PPP4R3B: variants seen among roughly 807,000 people sequenced by gnomAD.
PPP4R3B encodes the protein serine/threonine-protein phosphatase 4 regulatory subunit 3B.
In PPP4R3B, 52 loss-of-function variants were observed where a neutral mutation model predicts 95.4. The ratio of observed to expected loss-of-function variants is 0.54; its 90% CI spans 0.44 to 0.69. The LOEUF (loss-of-function observed/expected upper bound fraction) is 0.69, where lower values mean the gene tolerates loss of function less well. PPP4R3B is among the 30% of genes least tolerant of loss of function. PPP4R3B has a pLI of 0.00. For missense variants in PPP4R3B, 1,003 were observed against 1,005.9 expected (o/e 1.00, Z 0.04); for synonymous variants, 407 against 343.9 (o/e 1.18, Z -2.03).
chr2:55,613,883 T>C (rs1694538045), intron 2 of PPP4R3B, among the ~76,000 whole-genome samples: 2 of 151,872 alleles, frequency 1.3e-5, no homozygotes, highest in Non-Finnish European at 1.5e-5. Flanking sequence ...AAAGTGATCA[T>C]CTGGTAAAAA....
chr2:55,611,546 T>C (rs1338508712), intron 2 of PPP4R3B, among the ~76,000 whole-genome samples: 1 of 152,250 alleles, frequency 6.6e-6, no homozygotes, highest in Admixed American at 6.5e-5. Context: ...TGTGAATCAA[T>C]AATGACTTTT....
rs1382897098 is a variant in PPP4R3B at position 55,598,479 on chromosome 2, A to G, written c.858T>C (p.Asn286=). 1.2e-6 allele frequency: 2 copies of G among 1,614,176 alleles called. No homozygotes were observed. Among genetic ancestry groups the G allele is most frequent in the Admixed American group, 3.3e-5 (2 of 60,018 alleles). ...TAAAAGACGTAAGAGTAGAAAGAAA[A>G]TTCTCTTCAAAAACAGATGGTGTGG... ...ILPTPSVFEE[N]FLSTLTSFIF... The change falls in exon 4 of 17, where the codon AAT becomes AAC. Residue 286 remains asparagine, a synonymous_variant. Coordinates refer to ENST00000616407, the MANE Select transcript of PPP4R3B (RefSeq NM_001122964.3).
intron 7 of PPP4R3B, 43 bp downstream of exon 7, chr2:55,585,008 A>C (rs375637525): frequency 1.1e-5 from 15 of 1,346,966 alleles, no homozygotes; most frequent in Non-Finnish European, 1.6e-5. Flanking sequence ...AACACTACTC[A>C]CTCTACAGGT....
chr2:55,581,811 G>A, intron 7 of PPP4R3B, 113 bp from the exon 8 acceptor site: 2 of 1,081,980 alleles, frequency 1.8e-6, no homozygotes, highest in South Asian at 2.0e-5. Context: ...AAAAAACGAA[G>A]AATGGAATAG....
At chr2:55,565,412 C>T (rs1687159619) in intron 13 of PPP4R3B, among the ~76,000 whole-genome samples, 1 of 151,650 alleles carries the variant, frequency 6.6e-6, no homozygotes, top group South Asian at 2.1e-4. Flanking sequence ...TTTTATTATT[C>T]CCATTTTAGA....
intron 4 of PPP4R3B, among the ~76,000 whole-genome samples, chr2:55,592,466 T>C (rs527968191): frequency 2.0e-5 from 3 of 152,310 alleles, no homozygotes; most frequent in East Asian, 1.9e-4. Flanking sequence ...TTAAATCCTG[T>C]ACTTGAATCC....
intron 3 of PPP4R3B, among the ~76,000 whole-genome samples, chr2:55,599,637 T>A (rs1248893528): frequency 6.6e-6 from 1 of 152,114 alleles, no homozygotes; most frequent in Admixed American, 6.5e-5. Flanking sequence ...GATCATAACG[T>A]CTCAGAGACA....
In PPP4R3B at chr2:55,549,287, A is replaced by G. The variant is rs1684991891; in HGVS notation, c.*624T>C. 2 of 152,850 alleles carry G rather than the reference A, an allele frequency of 1.3e-5. No homozygotes were observed. The highest frequency in any genetic ancestry group is 6.5e-5 in the Admixed American group (1 of 15,298). The allele number at this position is 152,850 out of a possible 1,614,324, so 9.5% of individuals were successfully genotyped here. Reference sequence around the variant, plus strand: ...AGTTTGAATTGAGCTTGTTTTCATCAATATACATATTGAAAATTCCTGGTG... The same window carrying G: ...AGTTTGAATTGAGCTTGTTTTCATCGATATACATATTGAAAATTCCTGGTG... On this transcript the variant is annotated 3_prime_UTR_variant, in exon 17 of 17. Transcript: ENST00000616407.
At chr2:55,567,110 G>T (rs1188542773) in intron 13 of PPP4R3B, among the ~76,000 whole-genome samples, 1 of 152,200 alleles carries the variant, frequency 6.6e-6, no homozygotes, top group African/African-American at 2.4e-5. Context: ...AAGTAAATTT[G>T]TTGTACTGGT....
At chr2:55,563,055 C>T (rs1026450046) in intron 15 of PPP4R3B, among the ~76,000 whole-genome samples, 1 of 152,210 alleles carries the variant, frequency 6.6e-6, no homozygotes, top group African/African-American at 2.4e-5. Flanking sequence ...TCACTCAACA[C>T]TGGATACAGA....
At chr2:55,615,718 G>A (rs1475090084) in intron 1 of PPP4R3B, among the ~76,000 whole-genome samples, 1 of 151,820 alleles carries the variant, frequency 6.6e-6, no homozygotes, top group Admixed American at 6.6e-5. Context: ...TGGGCGTGGT[G>A]GCGCATGCCT....
rs137959855 is a variant in PPP4R3B at position 55,571,647 on chromosome 2, A to G, written c.1765+1972T>C. Among the ~76,000 whole-genome samples the G allele has an allele frequency of 2.4e-3, 360 of 152,288 alleles. 1 individual carries two copies. The highest frequency in any genetic ancestry group is 3.7e-3 in the South Asian group (18 of 4,818). ...TTTGTTTGTTTGTTTGTTTCTTGAG[A>G]CAGAGTCTTGCTCTGTTGCCCAGGC... On this transcript the variant is annotated intron_variant, in intron 12 of 16. Coordinates refer to ENST00000616407, the MANE Select transcript of PPP4R3B (RefSeq NM_001122964.3).
Position 55,564,204 on chromosome 2 carries a change from T to C in PPP4R3B, c.2260+109A>G, listed in dbSNP as rs1686989776. ...TAAAAGAACACAGTTTGGTATAAAATTTTTGTCTTTCTTGCTTTGTAAACT... is the reference window on the plus strand; with the variant it reads ...TAAAAGAACACAGTTTGGTATAAAACTTTTGTCTTTCTTGCTTTGTAAACT... On this transcript the variant is annotated intron_variant, in intron 15 of 16. Coordinates refer to ENST00000616407, the MANE Select transcript of PPP4R3B (RefSeq NM_001122964.3). 6 of 855,818 alleles carry C rather than the reference T, an allele frequency of 7.0e-6. No individual in the cohort carries two copies. The East Asian group carries it at 1.9e-4, about 26-fold the overall frequency. 53.0% of individuals were successfully genotyped at this position (855,818 alleles called of 1,614,324 possible).
chr2:55,581,814 T>C (rs1163889357), intron 7 of PPP4R3B, 116 bp from the exon 8 acceptor site: 1 of 1,079,300 alleles, frequency 9.3e-7, no homozygotes, highest in East Asian at 2.7e-5. Flanking sequence ...AAACGAAGAA[T>C]GGAATAGCTT....
chr2:55,561,195 T>C (rs531969189), intron 15 of PPP4R3B, among the ~76,000 whole-genome samples: 10 of 152,018 alleles, frequency 6.6e-5, no homozygotes, highest in Non-Finnish European at 1.5e-4. Context: ...AAGCCCCAAC[T>C]CTTGGTGGCT....
intron 4 of PPP4R3B, among the ~76,000 whole-genome samples, chr2:55,593,704 C>A (rs999699218): frequency 6.6e-6 from 1 of 152,048 alleles, no homozygotes; most frequent in Non-Finnish European, 1.5e-5. Flanking sequence ...CAGGTAAGAA[C>A]AGTTTAGGCA....
At chr2:55,614,807 AT>A (rs1420275173) in intron 2 of PPP4R3B, 4 of 152,208 alleles carry the variant, frequency 2.6e-5, no homozygotes, top group Non-Finnish European at 5.9e-5. Flanking sequence ...CAATTTTAAT[AT>A]ATTTCATAAT....
Position 55,581,603 on chromosome 2 carries a change from A to T in PPP4R3B, c.1329T>A (p.Thr443=). Residue 443 remains threonine (T), a synonymous_variant, in exon 8 of 17, where the codon ACT becomes ACA. Coordinates refer to ENST00000616407, the MANE Select transcript of PPP4R3B (RefSeq NM_001122964.3). Reference sequence around the variant, plus strand: ...CCAGCATGTTCTCTGGATCAATTAGAGTACGAAGAAGTCCCATTAACTGAA... The same window carrying T: ...CCAGCATGTTCTCTGGATCAATTAGTGTACGAAGAAGTCCCATTAACTGAA... ...GAVQLMGLLR[T]LIDPENMLAT... 6.2e-7 allele frequency: 1 copy of T among 1,613,620 alleles called. No homozygotes were observed.
intron 4 of PPP4R3B, among the ~76,000 whole-genome samples, chr2:55,589,521 A>C (rs1229069540): frequency 6.6e-6 from 1 of 152,226 alleles, no homozygotes; most frequent in East Asian, 1.9e-4. Flanking sequence ...TAAATGACAA[A>C]GCACTACAAT....
Sources: allele counts gnomAD v4.1 joint callset (sites outside exome capture counted in the v4.1 genomes callset), GRCh38; gene constraint gnomAD v4.1.1; transcripts MANE v1.5; gene names NCBI Gene and HGNC (gene_info 2026-07-23, HGNC 2026-07-21).